Variants in KCNH7 observed in about 807,000 individuals in gnomAD.
KCNH7 encodes potassium voltage-gated channel subfamily H member 7.
Under a neutral mutation model 120.8 loss-of-function variants are expected in KCNH7, and 49 were observed. The ratio of observed to expected loss-of-function variants is 0.41; its 90% CI spans 0.32 to 0.51. The LOEUF is 0.51. KCNH7 is among the 20% of genes least tolerant of loss of function. The pLI is 0.38. For synonymous variants in KCNH7, 547 were observed against 516.1 expected (o/e 1.06, Z -0.81); for missense variants, 1,097 against 1,446.6 (o/e 0.76, Z 3.92).
intron 8 of KCNH7, among the ~76,000 whole-genome samples, chr2:162,429,155 G>T (rs936197095): frequency 8.6e-5 from 13 of 151,694 alleles, no homozygotes; most frequent in Middle Eastern, 3.5e-3. Context: ...TTTATAACAT[G>T]CATTTTAAAT....
intron 8 of KCNH7, among the ~76,000 whole-genome samples, chr2:162,426,160 G>A (rs1687854721): frequency 1.3e-5 from 2 of 148,512 alleles, no homozygotes; most frequent in Admixed American, 1.4e-4. Flanking sequence ...GTTGCAGTGA[G>A]CCAAGTTCAC....
intron 2 of KCNH7, among the ~76,000 whole-genome samples, chr2:162,669,915 C>T (rs1685283916): frequency 6.6e-6 from 1 of 151,524 alleles, no homozygotes; most frequent in Non-Finnish European, 1.5e-5. Context: ...GCCTGGCCAA[C>T]ATGGTGAAAC....
In KCNH7 at chr2:162,526,125, T is replaced by C. The variant is rs58179044; in HGVS notation, c.464-7967A>G. Reference sequence around the variant, plus strand: ...CATCACATGTTGGCAGGTTCCGTGATGCCCCCTGAGCTGTAAAACCAGCAA... The same window carrying C: ...CATCACATGTTGGCAGGTTCCGTGACGCCCCCTGAGCTGTAAAACCAGCAA... On this transcript the variant is annotated intron_variant, in intron 3 of 15. Coordinates refer to ENST00000332142, the MANE Select transcript of KCNH7 (RefSeq NM_033272.4). 1.5e-3 allele frequency among the ~76,000 whole-genome samples: 234 copies of C among 152,020 alleles called. 9 individuals carry two copies. The East Asian group carries it at 0.042, about 27-fold the overall frequency.
At chr2:162,661,165 C>G (rs1274877870) in intron 2 of KCNH7, among the ~76,000 whole-genome samples, 1 of 152,172 alleles carries the variant, frequency 6.6e-6, no homozygotes, top group East Asian at 1.9e-4. Flanking sequence ...AGTGTTATAG[C>G]TCAGTTGCTA....
In KCNH7 at chr2:162,706,051, C is replaced by T. The variant is rs1197217639; in HGVS notation, c.307+130486G>A. On this transcript the variant is annotated intron_variant, in intron 2 of 15. Transcript: ENST00000332142. ...TCTGCTGTGCATGCCCACAGAGGTA[C>T]ACTTTCAAGTCACAGCAGAGTGCTC... is the stretch of plus-strand genomic sequence containing the variant. 3.9e-5 allele frequency among the ~76,000 whole-genome samples: 6 copies of T among 152,232 alleles called. No individual in the cohort carries two copies. The East Asian group carries it at 1.2e-3, about 29-fold the overall frequency.
intron 2 of KCNH7, among the ~76,000 whole-genome samples, chr2:162,614,020 C>T (rs1683059831): frequency 6.6e-6 from 1 of 151,678 alleles, no homozygotes; most frequent in South Asian, 2.1e-4. Flanking sequence ...GAGCCTCTTA[C>T]CCACTTCTAG....
At chr2:162,423,246 G>T in intron 9 of KCNH7, 90 bp downstream of exon 9, 1 of 1,606,842 alleles carries the variant, frequency 6.2e-7, no homozygotes. Flanking sequence ...AAAGCAAGGG[G>T]TTCAAAGCTG....
intron 2 of KCNH7, among the ~76,000 whole-genome samples, chr2:162,827,521 A>G (rs902983585): frequency 9.3e-5 from 9 of 96,324 alleles, no homozygotes; most frequent in Admixed American, 6.4e-4. Context: ...AAAATCTAAC[A>G]CTCTGCCTGA....
At chr2:162,816,046 G>A (rs1037508688) in intron 2 of KCNH7, among the ~76,000 whole-genome samples, 8 of 152,050 alleles carry the variant, frequency 5.3e-5, no homozygotes, top group Admixed American at 5.2e-4. Context: ...ATCACCTGAG[G>A]TCGGGAGTTC....
Position 162,488,101 on chromosome 2 carries a change from T to C in KCNH7, c.1128+16342A>G, listed in dbSNP as rs79294204. Among the ~76,000 whole-genome samples, 332 of 152,338 alleles carry C rather than the reference T, an allele frequency of 2.2e-3. 1 individual carries two copies. The highest frequency in any genetic ancestry group is 6.8e-3 in the Middle Eastern group (2 of 294). ...CTTTTCTGTTCCTGGGTCTGACTTT[T>C]ATCTCAAGATTGACAACAACTGGTG... On this transcript the variant is annotated intron_variant, in intron 6 of 15. Coordinates refer to ENST00000332142, the MANE Select transcript of KCNH7 (RefSeq NM_033272.4).
intron 2 of KCNH7, among the ~76,000 whole-genome samples, chr2:162,648,306 C>A (rs958196478): frequency 1.3e-5 from 2 of 151,894 alleles, no homozygotes; most frequent in Non-Finnish European, 2.9e-5. Context: ...GAGGGAAGGG[C>A]CACACACTTC....
chr2:162,737,368 T>C (rs751487721), intron 2 of KCNH7, among the ~76,000 whole-genome samples: 10 of 152,008 alleles, frequency 6.6e-5, no homozygotes, highest in Non-Finnish European at 8.8e-5. Context: ...AGGAGCCTTG[T>C]GTTTTCAGAA....
chr2:162,698,189 TA>T (rs1346648753), intron 2 of KCNH7, among the ~76,000 whole-genome samples: 1 of 152,160 alleles, frequency 6.6e-6, no homozygotes, highest in Non-Finnish European at 1.5e-5. Flanking sequence ...TGCAAGAAGA[TA>T]AGATTTTATA....
chr2:162,587,800 A>T (rs1054869050), intron 2 of KCNH7, among the ~76,000 whole-genome samples: 1 of 152,124 alleles, frequency 6.6e-6, no homozygotes, highest in Non-Finnish European at 1.5e-5. Context: ...ATGTGTGTCA[A>T]CTTTCATTTG....
At chr2:162,388,711 C>T (rs1334135467) in intron 12 of KCNH7, among the ~76,000 whole-genome samples, 1 of 151,888 alleles carries the variant, frequency 6.6e-6, no homozygotes, top group Non-Finnish European at 1.5e-5. Context: ...AATACATTTA[C>T]CCCTTCAATA....
chr2:162,488,233 A>G (rs546614675), intron 6 of KCNH7, among the ~76,000 whole-genome samples: 10 of 152,322 alleles, frequency 6.6e-5, no homozygotes, highest in African/African-American at 2.2e-4. Context: ...GTTAAATTTT[A>G]CCTAATTTTA....
chr2:162,425,917 A>G (rs1472561184), intron 8 of KCNH7, among the ~76,000 whole-genome samples: 1 of 152,116 alleles, frequency 6.6e-6, no homozygotes, highest in African/African-American at 2.4e-5. Flanking sequence ...TTGAATAGAT[A>G]AGAGACTAAT....
At chr2:162,799,354 A>C (rs1378641397) in intron 2 of KCNH7, among the ~76,000 whole-genome samples, 2 of 151,940 alleles carry the variant, frequency 1.3e-5, no homozygotes, top group Admixed American at 6.6e-5. Flanking sequence ...TTTTGCAAAA[A>C]TATTTTACTA....
chr2:162,554,399 A>G (rs1274359483), intron 2 of KCNH7, among the ~76,000 whole-genome samples: 1 of 152,120 alleles, frequency 6.6e-6, no homozygotes, highest in East Asian at 1.9e-4. Context: ...ATTTGCCCCA[A>G]AAAATGTTGT....
Sources: gnomAD v4.1 joint callset for allele counts (sites outside exome capture counted in the v4.1 genomes callset) on GRCh38, gnomAD v4.1.1 for gene constraint, MANE v1.5 for transcripts, NCBI Gene and HGNC (gene_info 2026-07-23, HGNC 2026-07-21) for gene names.